Variants in PEAK1 observed in about 807,000 individuals in gnomAD.
PEAK1 encodes inactive tyrosine-protein kinase PEAK1.
A neutral mutation model predicts 124.7 loss-of-function variants in PEAK1; 54 were observed. That is an observed-to-expected ratio of 0.43 (90% CI 0.35 to 0.54). PEAK1 has a LOEUF of 0.54. PEAK1 is among the 20% of genes least tolerant of loss of function. PEAK1 has a pLI of 0.01. For synonymous variants in PEAK1, 719 were observed against 760.0 expected, an observed-to-expected ratio of 0.95 and a Z score of 0.89; for missense variants, 2,046 against 2,134.5, an observed-to-expected ratio of 0.96 and a Z score of 0.82.
Position 77,402,906 on chromosome 15 carries a change from G to C in PEAK1, c.-666+17100C>G, listed in dbSNP as rs2071493885. ...ATGACTCAGTGAGTGGGCAGTTGCA[G>C]AAACTCATAGCTGAGGCCAGAAAAA... On this transcript the variant is annotated intron_variant, in intron 1 of 9. Coordinates refer to ENST00000682557, the MANE Select transcript of PEAK1 (RefSeq NM_001385026.1). The C allele has an allele frequency of 4.1e-6, 4 of 985,352 alleles. No homozygotes were observed. The African/African-American group carries it at 7.0e-5, about 17-fold the overall frequency. 61.0% of individuals were successfully genotyped at this position (985,352 alleles called of 1,614,324 possible).
intron 2 of PEAK1, among the ~76,000 whole-genome samples, chr15:77,325,157 G>A (rs949759988): frequency 6.6e-6 from 1 of 152,180 alleles, no homozygotes; most frequent in African/African-American, 2.4e-5. Flanking sequence ...GGTGGCTCAT[G>A]CCTACAATCT....
At chr15:77,158,749 T>C (rs2055375098) in intron 7 of PEAK1, 53 bp from the exon 8 acceptor site, 3 of 1,564,360 alleles carry the variant, frequency 1.9e-6, no homozygotes, top group Admixed American at 3.4e-5. Context: ...TCTACTAAAA[T>C]TTAGATTTAT....
chr15:77,396,276 T>A (rs2070880070), intron 1 of PEAK1, among the ~76,000 whole-genome samples: 2 of 150,908 alleles, frequency 1.3e-5, no homozygotes, highest in Admixed American at 1.3e-4. Flanking sequence ...ACACAAAAAA[T>A]TAAAAGCAAG....
intron 5 of PEAK1, among the ~76,000 whole-genome samples, chr15:77,277,635 A>T (rs1041500557): frequency 6.6e-6 from 1 of 152,214 alleles, no homozygotes; most frequent in African/African-American, 2.4e-5. Context: ...TCTGTGAATT[A>T]TTTAAGAGCT....
chr15:77,232,988 C>T (rs775191869), intron 6 of PEAK1, among the ~76,000 whole-genome samples: 24 of 152,288 alleles, frequency 1.6e-4, no homozygotes, highest in Non-Finnish European at 2.8e-4. Context: ...CTCAAGTGAT[C>T]CACCTGCCTC....
chr15:77,388,619 C>T (rs535490007), intron 1 of PEAK1, among the ~76,000 whole-genome samples: 8 of 152,292 alleles, frequency 5.3e-5, no homozygotes, highest in Non-Finnish European at 1.2e-4. Flanking sequence ...CTTCTCTGAA[C>T]CATATCTACA....
intron 6 of PEAK1, among the ~76,000 whole-genome samples, chr15:77,213,658 C>T (rs1360652914): frequency 6.6e-6 from 1 of 151,984 alleles, no homozygotes; most frequent in Non-Finnish European, 1.5e-5. Context: ...CACTGCACTC[C>T]AGCCTGGGTG....
intron 1 of PEAK1, among the ~76,000 whole-genome samples, chr15:77,369,856 T>C (rs2068523277): frequency 6.6e-6 from 1 of 152,082 alleles, no homozygotes; most frequent in Non-Finnish European, 1.5e-5. Context: ...ATCTACTGTA[T>C]CCTGGGTCAA....
At chr15:77,226,044 GATATATATAT>G (rs1157824212) in intron 6 of PEAK1, among the ~76,000 whole-genome samples, 590 of 44,958 alleles carry the variant, frequency 0.013, 5 homozygotes, top group African/African-American at 0.034. Flanking sequence ...AAAATAAAGG[GATATATATAT>G]ATATATATAT....
intron 2 of PEAK1, among the ~76,000 whole-genome samples, chr15:77,302,077 T>C (rs2063816848): frequency 6.6e-6 from 1 of 152,162 alleles, no homozygotes; most frequent in African/African-American, 2.4e-5. Flanking sequence ...TCTTATTTTC[T>C]GTCACTCCGG....
rs191017314 is a variant in PEAK1, at chr15:77,417,815, T to C, written c.-666+2191A>G. 17 of 985,452 alleles carry C rather than the reference T, an allele frequency of 1.7e-5. No individual in the cohort carries two copies. The East Asian group carries it at 6.8e-4, about 39-fold the overall frequency. The allele number at this position is 985,452 out of a possible 1,614,324, so 61.0% of individuals were successfully genotyped here. ...ACGGAACAATTTAGAAGAGTTATTA[T>C]ATGAAATGTGCCAAAGCATGAATTT... On this transcript the variant is annotated intron_variant, in intron 1 of 9. Transcript: ENST00000682557.
chr15:77,388,747 T>C (rs2070178106), intron 1 of PEAK1, among the ~76,000 whole-genome samples: 1 of 151,194 alleles, frequency 6.6e-6, no homozygotes, highest in African/African-American at 2.4e-5. Flanking sequence ...ATTCTCTTCA[T>C]CCTCTCTTCT....
chr15:77,161,425 T>A (rs2055628258), intron 7 of PEAK1, among the ~76,000 whole-genome samples: 1 of 152,174 alleles, frequency 6.6e-6, no homozygotes, highest in Non-Finnish European at 1.5e-5. Context: ...CAGATAAAGA[T>A]TGGTTTTTAT....
intron 8 of PEAK1, among the ~76,000 whole-genome samples, chr15:77,135,204 T>C (rs1487723330): frequency 1.3e-5 from 2 of 152,226 alleles, no homozygotes; most frequent in Non-Finnish European, 2.9e-5. Context: ...CCTAGGAAAC[T>C]CATACATTCT....
intron 2 of PEAK1, among the ~76,000 whole-genome samples, chr15:77,339,220 A>C (rs2066391515): frequency 6.7e-6 from 1 of 150,354 alleles, no homozygotes; most frequent in Non-Finnish European, 1.5e-5. Flanking sequence ...AGGTGATCCT[A>C]CCATCTCAGC....
At chr15:77,276,221 C>T (rs992434400) in intron 5 of PEAK1, among the ~76,000 whole-genome samples, 1 of 152,038 alleles carries the variant, frequency 6.6e-6, no homozygotes, top group African/African-American at 2.4e-5. Flanking sequence ...AAAGACAAAA[C>T]CTACAGATTC....
chr15:77,316,321 G>A (rs1019030265), intron 2 of PEAK1, among the ~76,000 whole-genome samples: 3 of 152,106 alleles, frequency 2.0e-5, no homozygotes, highest in Non-Finnish European at 4.4e-5. Context: ...AAATAAATAT[G>A]ATTGCCATTT....
intron 9 of PEAK1, among the ~76,000 whole-genome samples, chr15:77,125,876 T>C (rs2052332001): frequency 6.6e-6 from 1 of 151,858 alleles, no homozygotes; most frequent in African/African-American, 2.4e-5. Flanking sequence ...CAGATCACAA[T>C]GCAGAAGTTC....
At chr15:77,320,493 G>A (rs1048112445) in intron 2 of PEAK1, among the ~76,000 whole-genome samples, 8 of 151,988 alleles carry the variant, frequency 5.3e-5, no homozygotes, top group African/African-American at 1.9e-4. Context: ...TTACTTCCAA[G>A]GTTTTCTAGA....
Sources: allele counts gnomAD v4.1 joint callset (sites outside exome capture counted in the v4.1 genomes callset), GRCh38; gene constraint gnomAD v4.1.1; transcripts MANE v1.5; gene names NCBI Gene and HGNC (gene_info 2026-07-23, HGNC 2026-07-21).